The following ABCC5 variants were observed in gnomAD, a reference collection of about 807,000 sequenced individuals.
ABCC5 encodes ATP binding cassette subfamily C member 5, also known as ATP-binding cassette sub-family C member 5.
ABCC5 carries 61 observed loss-of-function variants against 160.9 expected under a neutral mutation model. The ratio of observed to expected loss-of-function variants is 0.38; its 90% CI spans 0.31 to 0.47. The LOEUF is 0.47. ABCC5 is among the 20% of genes least tolerant of loss of function. The pLI is 0.99. For synonymous variants in ABCC5, 666 were observed against 700.6 expected, an observed-to-expected ratio of 0.95 and a Z score of 0.78; for missense variants, 1,308 against 1,813.3, an observed-to-expected ratio of 0.72 and a Z score of 5.06.
chr3:183,952,978 G>T, intron 18 of ABCC5, 108 bp downstream of exon 18: 1 of 1,266,956 alleles, frequency 7.9e-7, no homozygotes, highest in South Asian at 1.5e-5. Context: ...TCTCTTTACA[G>T]CTTCTTTTAA....
At chr3:183,957,751 CGTGTGTATATCA>C (rs1470472361) in intron 17 of ABCC5, among the ~76,000 whole-genome samples, 3 of 151,234 alleles carry the variant, frequency 2.0e-5, no homozygotes, top group Non-Finnish European at 4.4e-5. Flanking sequence ...CATGCGGATC[CGTGTGTATATCA>C]CATCGGTTAC....
At chr3:183,967,119 T>G (rs1177538575) in intron 12 of ABCC5, among the ~76,000 whole-genome samples, 1 of 151,904 alleles carries the variant, frequency 6.6e-6, no homozygotes, top group African/African-American at 2.4e-5. Context: ...CTGGCCACCG[T>G]GTGCTGGGCC....
At chr3:183,968,191 C>T (rs35240483) in intron 11 of ABCC5, among the ~76,000 whole-genome samples, 2 of 151,948 alleles carry the variant, frequency 1.3e-5, no homozygotes, top group South Asian at 2.1e-4. Context: ...TACAGTGGTG[C>T]GATCTTGGCT....
At chr3:183,925,844 T>C (rs990496811) in intron 28 of ABCC5, 125 bp from the exon 29 acceptor site, 30 of 975,932 alleles carry the variant, frequency 3.1e-5, no homozygotes, top group Middle Eastern at 3.6e-4. Context: ...TTCTTTCTTT[T>C]TTTTTTTTTT....
chr3:183,962,599 G>A (rs540199923), intron 15 of ABCC5, among the ~76,000 whole-genome samples: 8 of 149,962 alleles, frequency 5.3e-5, no homozygotes, highest in South Asian at 2.1e-4. Flanking sequence ...TGATGCAATC[G>A]CAGCTCACTT....
intron 29 of ABCC5, among the ~76,000 whole-genome samples, chr3:183,923,592 C>T (rs1712222618): frequency 6.6e-6 from 1 of 152,126 alleles, no homozygotes; most frequent in African/African-American, 2.4e-5. Context: ...CACTGTACTC[C>T]AGCCTGGGCG....
At chr3:183,925,464 G>A in intron 29 of ABCC5, 91 bp downstream of exon 29, 2 of 1,408,940 alleles carry the variant, frequency 1.4e-6, no homozygotes, top group Non-Finnish European at 2.0e-6. Flanking sequence ...TGAATGCCCA[G>A]AACCCTACAA....
intron 8 of ABCC5, among the ~76,000 whole-genome samples, 166 bp downstream of exon 8, chr3:183,981,561 C>A (rs980591068): frequency 2.7e-4 from 41 of 152,174 alleles, no homozygotes; most frequent in Admixed American, 3.9e-4. Context: ...TGGGTTCAAA[C>A]CTCTAAGATC....
intron 16 of ABCC5, among the ~76,000 whole-genome samples, chr3:183,960,248 T>C (rs1716598666): frequency 6.6e-6 from 1 of 152,212 alleles, no homozygotes; most frequent in South Asian, 2.1e-4. Context: ...GACCTCCATA[T>C]TCTGGCCCTG....
Position 184,014,318 on chromosome 3 carries a change from G to A in ABCC5, c.75C>T (p.Ser25=). 1.2e-6 allele frequency: 2 copies of A among 1,614,066 alleles called. No homozygotes were observed. Among genetic ancestry groups the A allele is most frequent in the Non-Finnish European group, 1.7e-6 (2 of 1,179,978 alleles). Residue 25 remains serine, a synonymous_variant, in exon 2 of 30, where the codon AGC becomes AGT. Coordinates refer to ENST00000334444, the MANE Select transcript of ABCC5 (RefSeq NM_005688.4). ...CACGGTCTCTGTGCGTCCCAGAAGTGCTGGTTCTCTCCCTCACACTTCTAT... is the reference window on the plus strand; with the variant it reads ...CACGGTCTCTGTGCGTCCCAGAAGTACTGGTTCTCTCCCTCACACTTCTAT... ...PGYRSVRERT[S]TSGTHRDRED...
chr3:183,979,590 C>G (rs918352121), intron 8 of ABCC5, among the ~76,000 whole-genome samples: 11 of 151,974 alleles, frequency 7.2e-5, no homozygotes, highest in Admixed American at 1.3e-4. Flanking sequence ...CAATAAGATA[C>G]TTTTTTTTCA....
At chr3:183,955,520 C>T (rs1715793101) in intron 17 of ABCC5, among the ~76,000 whole-genome samples, 1 of 152,186 alleles carries the variant, frequency 6.6e-6, no homozygotes, top group African/African-American at 2.4e-5. Context: ...TTGCAGGGCA[C>T]AGAATTTAAT....
chr3:183,958,242 T>C (rs1352535638), intron 17 of ABCC5, among the ~76,000 whole-genome samples: 4 of 152,220 alleles, frequency 2.6e-5, no homozygotes, highest in African/African-American at 7.2e-5. Flanking sequence ...ATGTGTATAT[T>C]GCATGACGCT....
chr3:183,978,643 C>T lies in ABCC5; in HGVS notation c.1156G>A (p.Glu386Lys), dbSNP rs1277927959. ...AFSQSVQKIR[E>K]EERRILEKAG... Reference sequence around the variant, plus strand: ...TTTTCCAATATCCGACGCTCCTCCTCGCGGATTTCTATGAATAAAAAGCAA... The same window carrying T: ...TTTTCCAATATCCGACGCTCCTCCTTGCGGATTTCTATGAATAAAAAGCAA... The change falls in exon 9 of 30, where the codon GAG (glutamate) becomes AAG (lysine). Residue 386 changes from glutamate (E) to lysine (K), a missense_variant. Coordinates refer to ENST00000334444, the MANE Select transcript of ABCC5 (RefSeq NM_005688.4). 5.0e-6 allele frequency: 8 copies of T among 1,612,834 alleles called. No homozygotes were observed. Among genetic ancestry groups the T allele is most frequent in the South Asian group, 3.3e-5 (3 of 90,842 alleles).
At chr3:183,958,031 T>C (rs1443108628) in intron 17 of ABCC5, among the ~76,000 whole-genome samples, 1 of 150,488 alleles carries the variant, frequency 6.6e-6, no homozygotes, top group African/African-American at 2.5e-5. Context: ...ATCGGTTACA[T>C]GCAGATCCGT....
rs1400395419 is a variant in ABCC5 at position 183,963,335 on chromosome 3, T to G, written c.2235+50A>C. ...ACCTGGAGCAAACCTACCTCCCTGTTTCTGATTTCCCAAACTCAGGCAGGC... is the reference window on the plus strand; with the variant it reads ...ACCTGGAGCAAACCTACCTCCCTGTGTCTGATTTCCCAAACTCAGGCAGGC... On this transcript the variant is annotated intron_variant, in intron 15 of 29. Coordinates refer to ENST00000334444, the MANE Select transcript of ABCC5 (RefSeq NM_005688.4). The surrounding 1 kb of genome is among the most constrained non-coding windows in gnomAD (Gnocchi z 4.6). 5 of 1,595,152 alleles carry G rather than the reference T, an allele frequency of 3.1e-6. No individual in the cohort carries two copies. Among genetic ancestry groups the G allele is most frequent in the Non-Finnish European group, 4.3e-6 (5 of 1,162,884 alleles).
chr3:183,949,859 G>T lies in ABCC5; in HGVS notation c.3121C>A (p.Arg1041Ser). 1.9e-6 allele frequency: 3 copies of T among 1,614,184 alleles called. No homozygotes were observed. Among genetic ancestry groups the T allele is most frequent in the Non-Finnish European group, 2.5e-6 (3 of 1,180,040 alleles). ...VSRVLIRELK[R>S]LDNITQSPFL... Reference sequence around the variant, plus strand: ...GGTGACTGCGTGATATTGTCCAGACGCTTCAGCTCCCGAATCAGGACCCTG... The same window carrying T: ...GGTGACTGCGTGATATTGTCCAGACTCTTCAGCTCCCGAATCAGGACCCTG... Residue 1041 changes from arginine to serine, a missense_variant, in exon 22 of 30, where the codon CGT becomes AGT. Coordinates refer to ENST00000334444, the MANE Select transcript of ABCC5 (RefSeq NM_005688.4). The surrounding 1 kb of genome is among the most constrained non-coding windows in gnomAD (Gnocchi z 4.2).
rs1054567950 is a variant in ABCC5 at position 183,967,739 on chromosome 3, C to A, written c.1789G>T (p.Val597Leu). ...ATGAGAGAGGTTTTTCCACTTCCCA[C>A]ACTGCCACAGATTCCAACCAGTTTA... ...EGKLVGICGSVGSGKTSLISA... is the reference protein window; with the variant it reads ...EGKLVGICGSLGSGKTSLISA... Residue 597 changes from valine (V) to leucine (L), a missense_variant, in exon 12 of 30, where the codon GTG becomes TTG. Val to Leu is a conservative substitution (Grantham distance 32). This residue lies in a region of ABCC5 where 1,142 missense variants were observed against 1,527.1 expected (regional missense o/e 0.75). Coordinates refer to ENST00000334444, the MANE Select transcript of ABCC5 (RefSeq NM_005688.4). 6.2e-7 allele frequency: 1 copy of A among 1,614,014 alleles called. No individual in the cohort carries two copies. Among genetic ancestry groups the A allele is most frequent in the Non-Finnish European group, 8.5e-7 (1 of 1,179,884 alleles).
chr3:183,985,923 C>T (rs1032889383), intron 5 of ABCC5: 4 of 162,024 alleles, frequency 2.5e-5, no homozygotes, highest in Non-Finnish European at 5.4e-5. Flanking sequence ...TACCAAGGTT[C>T]GGTGAAACCC....
Sources: allele counts gnomAD v4.1 joint callset (sites outside exome capture counted in the v4.1 genomes callset), GRCh38; gene constraint gnomAD v4.1.1; regional missense constraint gnomAD v4.1.1; non-coding constraint Gnocchi (gnomAD v3.1); transcripts MANE v1.5; gene names NCBI Gene and HGNC (gene_info 2026-07-23, HGNC 2026-07-21).